Variants in DMXL2 observed in about 807,000 individuals in gnomAD.
DMXL2 encodes the protein dmX-like protein 2.
In DMXL2, 103 loss-of-function variants were observed where a neutral mutation model predicts 331.1. The ratio of observed to expected loss-of-function variants is 0.31; its 90% CI spans 0.27 to 0.37. The LOEUF is 0.37. DMXL2 is among the 10% of genes least tolerant of loss of function. DMXL2 has a pLI of 1.00. For missense variants in DMXL2, 3,171 were observed against 3,642.9 expected, an observed-to-expected ratio of 0.87 and a Z score of 3.33; for synonymous variants, 1,281 against 1,252.1, an observed-to-expected ratio of 1.02 and a Z score of -0.49.
At chr15:51,468,584 T>C (rs2040811533) in intron 29 of DMXL2, among the ~76,000 whole-genome samples, 1 of 152,218 alleles carries the variant, frequency 6.6e-6, no homozygotes, top group Non-Finnish European at 1.5e-5. Flanking sequence ...GAATAAAGCA[T>C]TTATCCTGTC....
intron 1 of DMXL2, among the ~76,000 whole-genome samples, chr15:51,601,027 T>C (rs1398251689): frequency 3.3e-5 from 5 of 151,862 alleles, no homozygotes; most frequent in Non-Finnish European, 7.4e-5. Flanking sequence ...CATGGTGGCT[T>C]ATGCCTGTAA....
At chr15:51,457,710 C>T in intron 36 of DMXL2, 1 of 389,850 alleles carries the variant, frequency 2.6e-6, no homozygotes, top group Non-Finnish European at 4.6e-6. Context: ...CAAGTTGAAA[C>T]AAAAGTTTGT....
chr15:51,524,371 C>A lies in DMXL2; in HGVS notation c.2437-7204G>T, dbSNP rs148898663. Among the ~76,000 whole-genome samples, 1,453 of 152,216 alleles carry A rather than the reference C, an allele frequency of 9.5e-3. 20 individuals carry two copies. The highest frequency in any genetic ancestry group is 0.034 in the African/African-American group (1,399 of 41,528). ...AGGAAGATGGCAGAATAGAGGGCTC[C>A]CCCAATCGTCCCCCAAGCAAGAACA... On this transcript the variant is annotated intron_variant, in intron 13 of 43. Transcript: ENST00000560891.
rs183780550 is a variant in DMXL2 at position 51,570,355 on chromosome 15, T to C, written c.214-1797A>G. ...AAGTGACGGGGAGAATGGAACCAAGTTGGAAAACACTCTTCAGGATATTAT... is the reference window on the plus strand; with the variant it reads ...AAGTGACGGGGAGAATGGAACCAAGCTGGAAAACACTCTTCAGGATATTAT... On this transcript the variant is annotated intron_variant, in intron 2 of 43. Coordinates refer to ENST00000560891, the MANE Select transcript of DMXL2 (RefSeq NM_001378457.1). 1.4e-3 allele frequency among the ~76,000 whole-genome samples: 206 copies of C among 152,320 alleles called. 1 individual carries two copies. The highest frequency in any genetic ancestry group is 6.4e-3 in the Admixed American group (98 of 15,304).
At chr15:51,507,013 A>C (rs913337699) in intron 16 of DMXL2, 121 bp downstream of exon 16, 1 of 762,044 alleles carries the variant, frequency 1.3e-6, no homozygotes, top group Non-Finnish European at 1.8e-6. Context: ...GAAGAGACAT[A>C]ATTCAGCAAC....
intron 12 of DMXL2, among the ~76,000 whole-genome samples, 187 bp downstream of exon 12, chr15:51,535,979 G>C (rs989296241): frequency 6.6e-6 from 1 of 152,102 alleles, no homozygotes; most frequent in Non-Finnish European, 1.5e-5. Flanking sequence ...GAGAGAAAAG[G>C]TTAAAAACTT....
intron 1 of DMXL2, among the ~76,000 whole-genome samples, chr15:51,580,761 C>T (rs768006631): frequency 7.3e-5 from 11 of 151,300 alleles, no homozygotes; most frequent in Non-Finnish European, 1.6e-4. Flanking sequence ...TAGTAATTCA[C>T]AGCTCAGAGA....
At chr15:51,542,014 G>A (rs1237549990) in intron 9 of DMXL2, among the ~76,000 whole-genome samples, 2 of 152,122 alleles carry the variant, frequency 1.3e-5, no homozygotes, top group Non-Finnish European at 2.9e-5. Flanking sequence ...TGTGAAGTGA[G>A]AGAAATTACA....
chr15:51,545,012 C>T (rs1188932229), intron 8 of DMXL2, among the ~76,000 whole-genome samples: 6 of 151,902 alleles, frequency 3.9e-5, no homozygotes, highest in African/African-American at 7.2e-5. Flanking sequence ...TGTGTTATAA[C>T]GTAATTTCTT....
intron 1 of DMXL2, among the ~76,000 whole-genome samples, chr15:51,577,882 C>T (rs1334294569): frequency 6.6e-6 from 1 of 152,120 alleles, no homozygotes; most frequent in African/African-American, 2.4e-5. Context: ...TAATACTTGT[C>T]TCTTAGGATA....
chr15:51,504,759 C>T (rs2043932719), intron 16 of DMXL2, among the ~76,000 whole-genome samples: 1 of 152,182 alleles, frequency 6.6e-6, no homozygotes, highest in Non-Finnish European at 1.5e-5. Flanking sequence ...GAGTCCCACT[C>T]CTGGCTTTAT....
chr15:51,488,606 C>T lies in DMXL2; in HGVS notation c.4993G>A (p.Asp1665Asn), dbSNP rs2042568703. Residue 1665 changes from aspartate (D) to asparagine (N), a missense_variant, in exon 21 of 44, where the codon GAT becomes AAT. Physicochemically the swap from Asp to Asn is conservative, Grantham distance 23. Around this residue, in one of 7 missense-constraint regions of DMXL2, gnomAD observed 252 missense variants for 387.4 expected, o/e 0.65. Transcript: ENST00000560891. ...ASFQRNNDALDAALFYLSMKK... is the reference protein window; with the variant it reads ...ASFQRNNDALNAALFYLSMKK... ...ATTGAAAGGTAGAATAGTGCAGCAT[C>T]TAAGGCATCATTGTTCCTTTGAAAA... 6.2e-7 allele frequency: 1 copy of T among 1,612,944 alleles called. No homozygotes were observed. Among genetic ancestry groups the T allele is most frequent in the Admixed American group, 1.7e-5 (1 of 59,788 alleles).
chr15:51,453,737 T>C, intron 40 of DMXL2, 96 bp from the exon 41 acceptor site: 2 of 968,706 alleles, frequency 2.1e-6, no homozygotes, highest in Non-Finnish European at 3.1e-6. Flanking sequence ...ACTATATGCA[T>C]GAGCTAAAAA....
intron 6 of DMXL2, 49 bp from the exon 7 acceptor site, chr15:51,547,457 CA>C (rs2048949054): frequency 1.5e-6 from 2 of 1,353,928 alleles, no homozygotes; most frequent in South Asian, 3.6e-5. Context: ...ATACACAATT[CA>C]AAATTTAAGT....
intron 1 of DMXL2, 107 bp downstream of exon 1, chr15:51,622,351 CA>C (rs2054705259): frequency 6.9e-7 from 1 of 1,449,704 alleles, no homozygotes; most frequent in East Asian, 2.5e-5. Context: ...GGGTGGGGCC[CA>C]CCAACATCTC....
chr15:51,534,273 G>A (rs1220665105), intron 13 of DMXL2, among the ~76,000 whole-genome samples: 1 of 152,136 alleles, frequency 6.6e-6, no homozygotes, highest in Non-Finnish European at 1.5e-5. Flanking sequence ...AGTAACCAGG[G>A]TCAAATGTAA....
At chr15:51,537,109 T>C (rs867940988) in intron 11 of DMXL2, among the ~76,000 whole-genome samples, 1 of 152,144 alleles carries the variant, frequency 6.6e-6, no homozygotes, top group African/African-American at 2.4e-5. Context: ...CAGATCTAAA[T>C]AGCAATAAAG....
At chr15:51,454,403 T>A (rs1396623884) in intron 40 of DMXL2, among the ~76,000 whole-genome samples, 1 of 152,176 alleles carries the variant, frequency 6.6e-6, no homozygotes, top group African/African-American at 2.4e-5. Context: ...AACTATTTTG[T>A]AATCCAATTT....
At chr15:51,590,926 T>C (rs559508300) in intron 1 of DMXL2, among the ~76,000 whole-genome samples, 2 of 152,164 alleles carry the variant, frequency 1.3e-5, no homozygotes, top group Admixed American at 6.5e-5. Flanking sequence ...CTTGAGATTC[T>C]CATTAAAAAT....
Sources: gnomAD v4.1 joint callset for allele counts (sites outside exome capture counted in the v4.1 genomes callset) on GRCh38, gnomAD v4.1.1 for gene constraint, gnomAD v4.1.1 regional missense constraint, MANE v1.5 for transcripts, NCBI Gene and HGNC (gene_info 2026-07-23, HGNC 2026-07-21) for gene names.